The following TTC28 variants were observed in gnomAD, a reference collection of about 807,000 sequenced individuals.
The protein encoded by TTC28 is tetratricopeptide repeat protein 28.
In TTC28, 61 loss-of-function variants were observed where a neutral mutation model predicts 198.0. The ratio of observed to expected loss-of-function variants is 0.31; its 90% CI spans 0.25 to 0.38. TTC28 has a LOEUF of 0.38. Among genes scored for constraint, TTC28 ranks in the 10% least tolerant of loss-of-function variants. TTC28 has a pLI of 1.00. For missense variants in TTC28, 2,678 were observed against 3,164.0 expected (o/e 0.85, Z 3.69); for synonymous variants, 1,171 against 1,297.8 (o/e 0.90, Z 2.10).
At chr22:28,292,850 C>A (rs1047285798) in intron 5 of TTC28, among the ~76,000 whole-genome samples, 1 of 152,186 alleles carries the variant, frequency 6.6e-6, no homozygotes, top group Admixed American at 6.5e-5. Flanking sequence ...AAGGGAGTAA[C>A]CCCACACCAC....
At chr22:28,267,506 C>G (rs1350602012) in intron 5 of TTC28, among the ~76,000 whole-genome samples, 1 of 152,150 alleles carries the variant, frequency 6.6e-6, no homozygotes, top group Non-Finnish European at 1.5e-5. Context: ...GGAGAAGGAC[C>G]AAAGTCACTG....
At chr22:28,119,742 A>G (rs1375352911) in intron 6 of TTC28, among the ~76,000 whole-genome samples, 1 of 152,214 alleles carries the variant, frequency 6.6e-6, no homozygotes. Context: ...ATTGAGTAAC[A>G]CTGGATGCTC....
At chr22:28,344,206 G>A (rs945348249) in intron 2 of TTC28, among the ~76,000 whole-genome samples, 3 of 151,138 alleles carry the variant, frequency 2.0e-5, no homozygotes, top group African/African-American at 7.3e-5. Context: ...TTCAAGTTGT[G>A]TCTTGAAGCA....
At chr22:28,422,270 G>A (rs1163677471) in intron 2 of TTC28, among the ~76,000 whole-genome samples, 3 of 152,112 alleles carry the variant, frequency 2.0e-5, no homozygotes, top group Admixed American at 2.0e-4. Context: ...TTGACAAGGA[G>A]TAAGGGATTC....
At chr22:28,032,282 GTGTGTGTGTGTGTA>G (rs1373790440) in intron 12 of TTC28, among the ~76,000 whole-genome samples, 2 of 128,160 alleles carry the variant, frequency 1.6e-5, no homozygotes, top group Non-Finnish European at 3.2e-5. Context: ...GTGTGTGTGT[GTGTGTGTGTGTGTA>G]TATGTGTGTG....
Position 28,107,928 on chromosome 22 carries a change from A to G in TTC28, c.1917T>C (p.Asn639=). The G allele has an allele frequency of 6.4e-7, 1 of 1,551,656 alleles. No individual in the cohort carries two copies. The highest frequency in any genetic ancestry group is 2.4e-5 in the East Asian group (1 of 40,914). ...DMEGEGKVCH[N]LGYAHYCLGN... is the part of the protein sequence containing the mutation. ...CAAGGCAGTAATGGGCATAGCCAAG[A>G]TTGTGGCAGACCTTCCCTTCTCCTT... Residue 639 remains asparagine, a synonymous_variant, in exon 7 of 23, where the codon AAT becomes AAC. Transcript: ENST00000397906.
chr22:28,495,201 A>G lies in TTC28; in HGVS notation c.381+134351T>C, dbSNP rs185928911. Among the ~76,000 whole-genome samples, 289 of 152,306 alleles carry G rather than the reference A, an allele frequency of 1.9e-3. 1 individual carries two copies. Among genetic ancestry groups the G allele is most frequent in the Non-Finnish European group, 2.8e-3 (192 of 68,016 alleles). On this transcript the variant is annotated intron_variant, in intron 2 of 22. Transcript: ENST00000397906. Reference sequence around the variant, plus strand: ...AAGAAATTTTTCTAAATTAAACAACATGAGTTTTTAGACGGGAAGTTGTCC... The same window carrying G: ...AAGAAATTTTTCTAAATTAAACAACGTGAGTTTTTAGACGGGAAGTTGTCC...
intron 12 of TTC28, among the ~76,000 whole-genome samples, chr22:28,070,419 T>C (rs967180408): frequency 6.6e-6 from 1 of 152,174 alleles, no homozygotes; most frequent in African/African-American, 2.4e-5. Flanking sequence ...AACAAATAGA[T>C]TTTTTTTGAA....
chr22:28,678,987 G>T (rs2052046093), intron 1 of TTC28, among the ~76,000 whole-genome samples: 1 of 152,170 alleles, frequency 6.6e-6, no homozygotes, highest in African/African-American at 2.4e-5. Flanking sequence ...AGGCAAGGGT[G>T]GGGGTAAGCT....
intron 2 of TTC28, among the ~76,000 whole-genome samples, chr22:28,451,709 C>T (rs1405607341): frequency 6.6e-6 from 1 of 152,132 alleles, no homozygotes; most frequent in East Asian, 1.9e-4. Context: ...CTTTGGCAGG[C>T]AGTTAGTCTT....
At chr22:28,649,652 G>A (rs1444654943) in intron 1 of TTC28, among the ~76,000 whole-genome samples, 2 of 152,140 alleles carry the variant, frequency 1.3e-5, no homozygotes, top group African/African-American at 2.4e-5. Context: ...TCTTGAGATG[G>A]TTACAAGTAA....
chr22:28,157,735 A>C (rs1169964183), intron 6 of TTC28, among the ~76,000 whole-genome samples: 1 of 152,132 alleles, frequency 6.6e-6, no homozygotes, highest in Non-Finnish European at 1.5e-5. Context: ...AAAAACGCTC[A>C]AAAAAACGGG....
chr22:28,513,614 AGTTT>A (rs144146318), intron 2 of TTC28, among the ~76,000 whole-genome samples: 228 of 152,320 alleles, frequency 1.5e-3, no homozygotes, highest in African/African-American at 5.3e-3. Context: ...AATTTTAAAA[AGTTT>A]GTTTAATTAA....
chr22:28,215,339 C>G (rs186523600), intron 5 of TTC28, among the ~76,000 whole-genome samples: 50 of 152,222 alleles, frequency 3.3e-4, no homozygotes, highest in Admixed American at 2.9e-3. Flanking sequence ...CCTTCCAGCA[C>G]TGAGTTTCCA....
At chr22:28,586,274 G>A (rs1478927818) in intron 2 of TTC28, among the ~76,000 whole-genome samples, 9 of 145,916 alleles carry the variant, frequency 6.2e-5, no homozygotes, top group Admixed American at 2.7e-4. Context: ...GCGAGACTCC[G>A]TCTCAAAAAA....
At chr22:28,512,104 A>C (rs1013454617) in intron 2 of TTC28, among the ~76,000 whole-genome samples, 15 of 152,036 alleles carry the variant, frequency 9.9e-5, no homozygotes, top group Non-Finnish European at 1.2e-4. Flanking sequence ...CAAAAAAAAA[A>C]CAAACAAACC....
intron 1 of TTC28, among the ~76,000 whole-genome samples, chr22:28,646,263 A>C (rs2051465460): frequency 6.6e-6 from 1 of 152,200 alleles, no homozygotes; most frequent in Non-Finnish European, 1.5e-5. Flanking sequence ...CACTGGCAAC[A>C]ATCAAGCTGG....
At chr22:28,183,026 C>T (rs1305669293) in intron 5 of TTC28, among the ~76,000 whole-genome samples, 1 of 151,554 alleles carries the variant, frequency 6.6e-6, no homozygotes, top group African/African-American at 2.4e-5. Flanking sequence ...TTGAAAACCA[C>T]TTAGCAATAA....
intron 12 of TTC28, among the ~76,000 whole-genome samples, chr22:28,093,872 G>C (rs980824656): frequency 6.6e-6 from 1 of 152,122 alleles, no homozygotes; most frequent in Non-Finnish European, 1.5e-5. Flanking sequence ...CCATCTGATG[G>C]AAAATCACCA....
Sources: gnomAD v4.1 joint callset for allele counts (sites outside exome capture counted in the v4.1 genomes callset) on GRCh38, gnomAD v4.1.1 for gene constraint, MANE v1.5 for transcripts, NCBI Gene and HGNC (gene_info 2026-07-23, HGNC 2026-07-21) for gene names.